The following TTC7B variants were observed in gnomAD, a reference collection of about 807,000 sequenced individuals.
The protein encoded by TTC7B is tetratricopeptide repeat domain 7B.
In TTC7B, 28 loss-of-function variants were observed where a neutral mutation model predicts 106.8. The ratio of observed to expected loss-of-function variants is 0.26; its 90% confidence interval spans 0.19 to 0.36. The LOEUF (loss-of-function observed/expected upper bound fraction) is 0.36. TTC7B is among the 10% of genes least tolerant of loss of function. The pLI is 1.00. For synonymous variants in TTC7B, 405 were observed against 430.6 expected, an observed-to-expected ratio of 0.94 and a Z score of 0.74; for missense variants, 862 against 1,076.4, an observed-to-expected ratio of 0.80 and a Z score of 2.79.
intron 3 of TTC7B, among the ~76,000 whole-genome samples, chr14:90,774,632 T>G (rs1890967522): frequency 6.6e-6 from 1 of 152,174 alleles, no homozygotes; most frequent in African/African-American, 2.4e-5. Flanking sequence ...TGTGGGTAGC[T>G]TCTCCAGCTG....
chr14:90,672,163 A>T (rs1036297114), intron 9 of TTC7B, among the ~76,000 whole-genome samples: 3 of 152,212 alleles, frequency 2.0e-5, no homozygotes, highest in African/African-American at 7.2e-5. Context: ...CTGGTTGGGG[A>T]CAAGAGAAGG....
intron 1 of TTC7B, among the ~76,000 whole-genome samples, chr14:90,809,759 C>A (rs1051179239): frequency 1.5e-4 from 23 of 152,222 alleles, no homozygotes; most frequent in African/African-American, 5.1e-4. Context: ...GTCATGGGGC[C>A]AGAAAGGTAG....
At chr14:90,693,568 T>C (rs914021817) in intron 6 of TTC7B, among the ~76,000 whole-genome samples, 4 of 152,096 alleles carry the variant, frequency 2.6e-5, no homozygotes, top group Non-Finnish European at 5.9e-5. Flanking sequence ...ACAGGTGCAA[T>C]TCTCAGGTTT....
chr14:90,815,897 A>ACC (rs1239236650), intron 1 of TTC7B, among the ~76,000 whole-genome samples: 1 of 149,702 alleles, frequency 6.7e-6, no homozygotes, highest in Non-Finnish European at 1.5e-5. Flanking sequence ...ACTCGCTGAG[A>ACC]CCCCCGGACA....
chr14:90,574,952 G>C (rs1288353293), intron 19 of TTC7B, among the ~76,000 whole-genome samples: 1 of 152,146 alleles, frequency 6.6e-6, no homozygotes, highest in Non-Finnish European at 1.5e-5. Context: ...CTAGGGCTCT[G>C]TTCTTTAAAC....
At chr14:90,814,106 T>C (rs1206796487) in intron 1 of TTC7B, among the ~76,000 whole-genome samples, 1 of 151,988 alleles carries the variant, frequency 6.6e-6, no homozygotes, top group Non-Finnish European at 1.5e-5. Flanking sequence ...GTCCCATGAG[T>C]TTCCCCAAAC....
intron 18 of TTC7B, among the ~76,000 whole-genome samples, chr14:90,592,258 G>T (rs1259897088): frequency 1.3e-5 from 2 of 152,236 alleles, no homozygotes; most frequent in Non-Finnish European, 2.9e-5. Context: ...ACCACACACT[G>T]TAAGAGTCAA....
chr14:90,733,825 C>G (rs757993661), intron 4 of TTC7B, among the ~76,000 whole-genome samples: 1 of 152,150 alleles, frequency 6.6e-6, no homozygotes, highest in Non-Finnish European at 1.5e-5. Context: ...CTTCACTGCC[C>G]TCATCTATAC....
chr14:90,669,713 A>C (rs1424000252), intron 9 of TTC7B, among the ~76,000 whole-genome samples: 1 of 152,206 alleles, frequency 6.6e-6, no homozygotes, highest in Non-Finnish European at 1.5e-5. Flanking sequence ...AAAGAAAATC[A>C]ATCCCACAAT....
chr14:90,654,144 G>A (rs745487035), intron 12 of TTC7B, among the ~76,000 whole-genome samples: 11 of 152,178 alleles, frequency 7.2e-5, no homozygotes, highest in Non-Finnish European at 1.5e-4. Flanking sequence ...AGCCAGGATA[G>A]TATTTCCTCG....
intron 3 of TTC7B, among the ~76,000 whole-genome samples, chr14:90,748,060 G>T (rs771988555): frequency 7.9e-5 from 12 of 151,972 alleles, no homozygotes; most frequent in Non-Finnish European, 1.8e-4. Context: ...GTTGAGTTTT[G>T]CTTATTTTTT....
chr14:90,652,564 C>A (rs1444009534), intron 13 of TTC7B, among the ~76,000 whole-genome samples: 1 of 151,332 alleles, frequency 6.6e-6, no homozygotes, highest in Non-Finnish European at 1.5e-5. Flanking sequence ...GGACTCATCT[C>A]CCTTGGCATA....
rs535847938 is a variant in TTC7B at position 90,734,823 on chromosome 14, G to A, written c.577-4627C>T. Reference sequence around the variant, plus strand: ...TTATTTTGGAGACGGAGTTTCTGTCGCCCAGGCTAGAGTACAGTGGCACGA... The same window carrying A: ...TTATTTTGGAGACGGAGTTTCTGTCACCCAGGCTAGAGTACAGTGGCACGA... On this transcript the variant is annotated intron_variant, in intron 4 of 19. Coordinates refer to ENST00000328459, the MANE Select transcript of TTC7B (RefSeq NM_001010854.2). Among the ~76,000 whole-genome samples the A allele has an allele frequency of 1.9e-4, 29 of 151,926 alleles. 1 individual carries two copies. The highest frequency in any genetic ancestry group is 2.4e-4 in the African/African-American group (10 of 41,424).
intron 2 of TTC7B, among the ~76,000 whole-genome samples, chr14:90,785,686 T>C (rs2073329): frequency 0.27 from 41,554 of 151,982 alleles, 9,419 homozygotes; most frequent in African/African-American, 0.63. Context: ...GGGTGAGGGT[T>C]CTTGCTGAGA....
At chr14:90,791,268 C>T (rs915690739) in intron 1 of TTC7B, among the ~76,000 whole-genome samples, 1 of 152,092 alleles carries the variant, frequency 6.6e-6, no homozygotes, top group African/African-American at 2.4e-5. Context: ...CCCTGAGCAC[C>T]CTGGGTGTTC....
intron 1 of TTC7B, among the ~76,000 whole-genome samples, chr14:90,798,078 G>C (rs1170802664): frequency 6.6e-6 from 1 of 152,164 alleles, no homozygotes; most frequent in African/African-American, 2.4e-5. Context: ...AAGGGCTTAC[G>C]CACTTTTTCC....
chr14:90,791,603 TG>T (rs966916848), intron 1 of TTC7B, among the ~76,000 whole-genome samples: 1 of 152,108 alleles, frequency 6.6e-6, no homozygotes, highest in African/African-American at 2.4e-5. Context: ...GTTATGACGA[TG>T]GGATGGGAGC....
At chr14:90,754,448 C>A (rs906273128) in intron 3 of TTC7B, among the ~76,000 whole-genome samples, 1 of 152,184 alleles carries the variant, frequency 6.6e-6, no homozygotes, top group East Asian at 1.9e-4. Context: ...AGCAGACACA[C>A]AGAAAACAGT....
intron 3 of TTC7B, chr14:90,767,006 T>A: frequency 9.4e-7 from 1 of 1,063,912 alleles, no homozygotes; most frequent in Non-Finnish European, 1.4e-6. Flanking sequence ...AGGCCTTGTC[T>A]GTTAATAAAT....
Sources: gnomAD v4.1 joint callset for allele counts (sites outside exome capture counted in the v4.1 genomes callset) on GRCh38, gnomAD v4.1.1 for gene constraint, MANE v1.5 for transcripts, NCBI Gene and HGNC (gene_info 2026-07-23, HGNC 2026-07-21) for gene names.